CNTN5: variants seen among roughly 807,000 people sequenced by gnomAD.
CNTN5 encodes contactin 5.
Under a neutral mutation model 129.1 loss-of-function variants are expected in CNTN5, and 77 were observed. That is an observed-to-expected ratio of 0.60 (90% CI 0.50 to 0.72). The LOEUF (loss-of-function observed/expected upper bound fraction) is 0.72. Among genes scored for constraint, CNTN5 ranks in the 30% least tolerant of loss-of-function variants. The probability of loss-of-function intolerance (pLI) is 0.00; values close to 1 mark genes in which losing one functional copy is unlikely to be tolerated. For missense variants in CNTN5, 1,478 were observed against 1,328.8 expected (o/e 1.11, Z -1.75); for synonymous variants, 509 against 465.6 (o/e 1.09, Z -1.20).
rs545726095 is a variant in CNTN5, at chr11:100,149,811, C to T, written c.1581-41315C>T. Among the ~76,000 whole-genome samples the T allele has an allele frequency of 1.0e-4, 15 of 149,256 alleles. No homozygotes were observed. In the East Asian group the frequency reaches 2.8e-3, roughly 28 times the overall value. ...TTGGGAGGCTGAGGCAGAAGAATGG[C>T]GTGAACCATGAGGTGGAGCTTGCAG... is the stretch of plus-strand genomic sequence containing the variant. On this transcript the variant is annotated intron_variant, in intron 13 of 24. Transcript: ENST00000524871.
intron 9 of CNTN5, among the ~76,000 whole-genome samples, chr11:100,039,955 G>A (rs11222481): frequency 0.11 from 16,625 of 152,076 alleles, 1,076 homozygotes; most frequent in Middle Eastern, 0.27. Flanking sequence ...GTCTGAAGCC[G>A]TCTTCTCTCA....
chr11:99,889,321 TGTGTGTGTGTGTG>T (rs1565642655), intron 6 of CNTN5, among the ~76,000 whole-genome samples: 151 of 144,842 alleles, frequency 1.0e-3, no homozygotes, highest in South Asian at 1.6e-3. Flanking sequence ...TGTGTGTGTG[TGTGTGTGTGTGTG>T]TGTGTGTGTG....
chr11:99,912,793 C>A (rs11221885), intron 6 of CNTN5, among the ~76,000 whole-genome samples: 22,057 of 151,912 alleles, frequency 0.15, 1,856 homozygotes, highest in East Asian at 0.18. Flanking sequence ...GTCTAGGGCC[C>A]TGTGACTTTT....
intron 15 of CNTN5, among the ~76,000 whole-genome samples, chr11:100,206,493 A>C (rs1011773075): frequency 3.9e-5 from 6 of 152,110 alleles, no homozygotes; most frequent in African/African-American, 1.4e-4. Flanking sequence ...GATTTTTCCA[A>C]ATTAAATCCA....
rs534560212 is a variant in CNTN5 at position 99,445,772 on chromosome 11, G to A, written c.-70-110373G>A. ...ATTATTTAATATGTGGTTCATAGAA[G>A]TTCCCCTCTCTTTTAAAGTACTTCC... On this transcript the variant is annotated intron_variant, in intron 2 of 24. Transcript: ENST00000524871. Among the ~76,000 whole-genome samples, 68 of 152,058 alleles carry A rather than the reference G, an allele frequency of 4.5e-4. 1 individual carries two copies. The highest frequency in any genetic ancestry group is 1.6e-3 in the African/African-American group (65 of 41,512).
chr11:100,040,358 A>C (rs1228254253), intron 9 of CNTN5, among the ~76,000 whole-genome samples: 2 of 152,112 alleles, frequency 1.3e-5, no homozygotes, highest in Admixed American at 1.3e-4. Context: ...ACCTGGCCGT[A>C]TGAGGTGTCA....
chr11:100,129,039 G>A (rs542762824), intron 13 of CNTN5, among the ~76,000 whole-genome samples: 1 of 152,190 alleles, frequency 6.6e-6, no homozygotes, highest in Admixed American at 6.6e-5. Context: ...TTAAGCACTA[G>A]AGAATATGAG....
chr11:100,261,332 T>C lies in CNTN5; in HGVS notation c.2164+5414T>C, dbSNP rs1950192184. ...CAAATGGAAAAACATTCCATGCTCT[T>C]GGATAGGAAGAATCAATATCATGAA... On this transcript the variant is annotated intron_variant, in intron 17 of 24. Transcript: ENST00000524871. 6.6e-5 allele frequency among the ~76,000 whole-genome samples: 10 copies of C among 152,184 alleles called. 1 individual carries two copies. The South Asian group carries it at 2.1e-3, about 32-fold the overall frequency.
chr11:99,642,504 T>C (rs1268190817), intron 3 of CNTN5, among the ~76,000 whole-genome samples: 1 of 152,226 alleles, frequency 6.6e-6, no homozygotes, highest in African/African-American at 2.4e-5. Context: ...TAATTGTACA[T>C]ATTTACAGGG....
At chr11:99,962,983 T>C (rs1950991490) in intron 8 of CNTN5, among the ~76,000 whole-genome samples, 2 of 152,058 alleles carry the variant, frequency 1.3e-5, no homozygotes, top group Non-Finnish European at 2.9e-5. Context: ...TTCATATCCT[T>C]CGCCCACTTT....
At chr11:100,267,481 T>C (rs1375281154) in intron 17 of CNTN5, among the ~76,000 whole-genome samples, 1 of 152,166 alleles carries the variant, frequency 6.6e-6, no homozygotes, top group Admixed American at 6.6e-5. Context: ...AGGAAGGTTG[T>C]AATTTGAAAT....
chr11:99,698,776 GA>G (rs1954385690), intron 3 of CNTN5, among the ~76,000 whole-genome samples: 1 of 150,954 alleles, frequency 6.6e-6, no homozygotes, highest in South Asian at 2.1e-4. Flanking sequence ...ATAGAAAAAT[GA>G]AATTACTGAT....
intron 7 of CNTN5, among the ~76,000 whole-genome samples, chr11:99,934,869 A>T (rs995893262): frequency 4.2e-4 from 23 of 55,326 alleles, no homozygotes; most frequent in Admixed American, 4.4e-4. Context: ...AGTGAGACTC[A>T]GTCTGTGTGT....
chr11:100,159,145 A>G (rs1296096854), intron 13 of CNTN5, among the ~76,000 whole-genome samples: 2 of 151,880 alleles, frequency 1.3e-5, no homozygotes, highest in African/African-American at 4.8e-5. Flanking sequence ...AAACTACAGG[A>G]AAAGTCAATG....
intron 13 of CNTN5, among the ~76,000 whole-genome samples, chr11:100,138,975 T>C (rs1405846011): frequency 1.3e-5 from 2 of 152,040 alleles, no homozygotes; most frequent in African/African-American, 4.8e-5. Context: ...TGACTGGAGT[T>C]TGAGTGTATG....
chr11:100,069,242 T>G (rs77401107), intron 10 of CNTN5, among the ~76,000 whole-genome samples: 6,941 of 152,104 alleles, frequency 0.046, 217 homozygotes, highest in Middle Eastern at 0.085. Flanking sequence ...AGCTTCAACC[T>G]CCCATGATCA....
chr11:100,018,394 A>C (rs1204438997), intron 9 of CNTN5, among the ~76,000 whole-genome samples: 1 of 151,970 alleles, frequency 6.6e-6, no homozygotes, highest in Admixed American at 6.6e-5. Context: ...GTCATGCATA[A>C]CTGAAATCAT....
intron 3 of CNTN5, among the ~76,000 whole-genome samples, chr11:99,796,808 C>T (rs1394930798): frequency 6.6e-6 from 1 of 152,104 alleles, no homozygotes; most frequent in African/African-American, 2.4e-5. Flanking sequence ...GTGCCAAATC[C>T]TCTGGGTGCT....
chr11:99,061,333 G>GGACA (rs1278658839), intron 1 of CNTN5, among the ~76,000 whole-genome samples: 2 of 152,054 alleles, frequency 1.3e-5, no homozygotes, highest in Non-Finnish European at 2.9e-5. Flanking sequence ...GTGGGGAGAG[G>GGACA]GACAGAGAGG....
Sources: gnomAD v4.1 joint callset for allele counts (sites outside exome capture counted in the v4.1 genomes callset) on GRCh38, gnomAD v4.1.1 for gene constraint, MANE v1.5 for transcripts, NCBI Gene and HGNC (gene_info 2026-07-23, HGNC 2026-07-21) for gene names.